The following NUP210L variants were observed in gnomAD, a reference collection of about 807,000 sequenced individuals.
The protein encoded by NUP210L is nucleoporin 210 like.
A neutral mutation model predicts 208.5 loss-of-function variants in NUP210L; 74 were observed. The observed-to-expected ratio is 0.35, with a 90% CI of 0.29 to 0.43. The LOEUF is 0.43. Among genes scored for constraint, NUP210L ranks in the 20% least tolerant of loss-of-function variants. The pLI is 1.00. For synonymous variants in NUP210L, 780 were observed against 816.9 expected (o/e 0.95, Z 0.77); for missense variants, 1,843 against 2,289.4 (o/e 0.81, Z 3.98).
At chr1:154,078,940 T>G (rs932039786) in intron 16 of NUP210L, 8 of 152,154 alleles carry the variant, frequency 5.3e-5, no homozygotes, top group Non-Finnish European at 1.0e-4. Flanking sequence ...CTTTTCTTAT[T>G]TATTTATTTT....
intron 16 of NUP210L, among the ~76,000 whole-genome samples, chr1:154,071,946 C>T (rs906412283): frequency 6.6e-6 from 1 of 151,160 alleles, no homozygotes; most frequent in African/African-American, 2.4e-5. Context: ...CTAATTCATT[C>T]CTTTATATGG....
chr1:154,052,231 G>T (rs1238120710), intron 25 of NUP210L, among the ~76,000 whole-genome samples: 1 of 152,182 alleles, frequency 6.6e-6, no homozygotes, highest in Non-Finnish European at 1.5e-5. Flanking sequence ...TGGGGTAGAG[G>T]TTATGCTTGT....
intron 35 of NUP210L, among the ~76,000 whole-genome samples, chr1:154,006,868 ATACACACACATACATATG>A (rs1650563494): frequency 7.0e-6 from 1 of 142,682 alleles, no homozygotes; most frequent in Admixed American, 7.3e-5. Flanking sequence ...ATACATATAC[ATACACACACATACATATG>A]TATACACATA....
chr1:154,089,413 G>C lies in NUP210L; in HGVS notation c.2361+8C>G. On this transcript the variant is annotated splice_region_variant and intron_variant, in intron 16 of 39. Coordinates refer to ENST00000368559, the Ensembl canonical transcript of NUP210L. ...GCCAACTTAGTTGGAAACATACTCT[G>C]TACTTACCAGCCATTTGTTGTGCTG... The C allele has an allele frequency of 6.2e-7, 1 of 1,613,454 alleles. No homozygotes were observed. The highest frequency in any genetic ancestry group is 8.5e-7 in the Non-Finnish European group (1 of 1,179,444).
chr1:154,118,979 T>C (rs1280403844), intron 10 of NUP210L, among the ~76,000 whole-genome samples, 171 bp from the exon 11 acceptor site: 1 of 152,138 alleles, frequency 6.6e-6, no homozygotes, highest in Non-Finnish European at 1.5e-5. Context: ...GCATAGTTGC[T>C]ATGGTTCAAT....
In NUP210L at chr1:154,152,887, T is replaced by C. The variant is rs765448626; in HGVS notation, c.204-15A>G. The C allele has an allele frequency of 1.2e-6, 2 of 1,613,082 alleles. No homozygotes were observed. The highest frequency in any genetic ancestry group is 3.3e-5 in the Admixed American group (2 of 59,964). On this transcript the variant is annotated splice_polypyrimidine_tract_variant and intron_variant, in intron 1 of 39. Coordinates refer to ENST00000368559, the Ensembl canonical transcript of NUP210L. ...GGGTGGAATGCCTGCCAGAACAAAA[T>C]TCTTAAGAGTGTGAAATAGGTGGGT...
At chr1:154,089,972 G>C (rs537445406) in intron 15 of NUP210L, among the ~76,000 whole-genome samples, 3 of 152,070 alleles carry the variant, frequency 2.0e-5, no homozygotes, top group Non-Finnish European at 4.4e-5. Flanking sequence ...AGTTACTTGG[G>C]AGACTGAAGC....
intron 15 of NUP210L, among the ~76,000 whole-genome samples, chr1:154,091,501 C>CTTTTCT (rs1655909208): frequency 8.0e-6 from 1 of 124,636 alleles, no homozygotes; most frequent in Non-Finnish European, 1.7e-5. Flanking sequence ...CTTTTCTTTT[C>CTTTTCT]TTTTTTTTTT....
intron 34 of NUP210L, 37 bp from the exon 35 acceptor site, chr1:154,010,158 A>G: frequency 6.3e-7 from 1 of 1,583,554 alleles, no homozygotes; most frequent in South Asian, 1.2e-5. Flanking sequence ...CTTTGTCACT[A>G]ACAAGAATTT....
chr1:154,078,811 A>C (rs1449018482), intron 16 of NUP210L: 2 of 152,168 alleles, frequency 1.3e-5, no homozygotes, highest in Non-Finnish European at 1.5e-5. Flanking sequence ...GGCAATAATT[A>C]ATAAAATCAC....
At chr1:154,089,434 T>C in exon 16 of NUP210L, 1 of 1,614,134 alleles carries the variant, frequency 6.2e-7, no homozygotes, top group Non-Finnish European at 8.5e-7. Context: ...CCATTTGTTG[T>C]GCTGTGGCAG....
intron 30 of NUP210L, among the ~76,000 whole-genome samples, chr1:154,025,149 C>T (rs1651797981): frequency 6.7e-6 from 1 of 149,326 alleles, no homozygotes; most frequent in Admixed American, 6.7e-5. Context: ...AGGATGGTCT[C>T]GATCTCCTGA....
chr1:154,029,786 G>T, intron 28 of NUP210L, 110 bp downstream of exon 28: 2 of 787,388 alleles, frequency 2.5e-6, no homozygotes, highest in Non-Finnish European at 2.0e-6. Context: ...TCCAGGAATC[G>T]CTCTAACAAT....
At chr1:153,993,998 T>C (rs1218976926) in intron 38 of NUP210L, among the ~76,000 whole-genome samples, 2 of 152,088 alleles carry the variant, frequency 1.3e-5, no homozygotes, top group African/African-American at 2.4e-5. Flanking sequence ...CTGCCTCAGC[T>C]TCCCTAGTAG....
intron 3 of NUP210L, among the ~76,000 whole-genome samples, chr1:154,142,686 T>C (rs1278629772): frequency 6.6e-6 from 1 of 150,666 alleles, no homozygotes; most frequent in Non-Finnish European, 1.5e-5. Flanking sequence ...AGGCCAGGAG[T>C]TCGAGACCAG....
intron 37 of NUP210L, chr1:153,995,834 C>A: frequency 1.6e-6 from 1 of 614,670 alleles, no homozygotes; most frequent in South Asian, 1.4e-5. Flanking sequence ...ACGAGATTGT[C>A]CAAAACAACA....
chr1:154,045,014 A>G (rs1002481898), intron 27 of NUP210L, among the ~76,000 whole-genome samples: 1 of 152,126 alleles, frequency 6.6e-6, no homozygotes, highest in African/African-American at 2.4e-5. Context: ...GAGGTCTTCT[A>G]TGGTTCCAGA....
intron 25 of NUP210L, among the ~76,000 whole-genome samples, chr1:154,051,426 T>C (rs1653492802): frequency 6.6e-6 from 1 of 152,068 alleles, no homozygotes; most frequent in Non-Finnish European, 1.5e-5. Context: ...GTGTTAGCCA[T>C]GATGGTCTCG....
intron 15 of NUP210L, among the ~76,000 whole-genome samples, chr1:154,091,316 G>A (rs967239296): frequency 6.6e-6 from 1 of 151,268 alleles, no homozygotes; most frequent in Non-Finnish European, 1.5e-5. Context: ...GGCTGATCTC[G>A]AATTCCTGGC....
Sources: gnomAD v4.1 joint callset for allele counts (sites outside exome capture counted in the v4.1 genomes callset) on GRCh38, gnomAD v4.1.1 for gene constraint, MANE v1.5 for transcripts, NCBI Gene and HGNC (gene_info 2026-07-23, HGNC 2026-07-21) for gene names.